The following CCDC171 variants were observed in gnomAD, a reference collection of about 807,000 sequenced individuals.
CCDC171 encodes coiled-coil domain containing 171.
In CCDC171, 177 loss-of-function variants were observed where a neutral mutation model predicts 168.2. The observed-to-expected ratio is 1.05, with a 90% CI of 0.93 to 1.19. The LOEUF (loss-of-function observed/expected upper bound fraction) is 1.19, where lower values mean the gene tolerates loss of function less well. Ranked by LOEUF, CCDC171 falls within the 50% of genes most tolerant of loss-of-function variation. The pLI is 0.00. For missense variants in CCDC171, 1,991 were observed against 1,539.0 expected (o/e 1.29, Z -4.91); for synonymous variants, 687 against 540.8 (o/e 1.27, Z -3.75).
Position 15,591,365 on chromosome 9 carries a change from GC to G in CCDC171, c.353del (p.Ala118AspfsTer41). 1 of 1,576,574 alleles carries G rather than the reference GC, an allele frequency of 6.3e-7. No homozygotes were observed. The highest frequency in any genetic ancestry group is 8.6e-7 in the Non-Finnish European group (1 of 1,156,998). ...EAHRIQEKLC[A>X]QNSELQAKTN... is the part of the protein sequence containing the mutation. ...TGTACCTATTATTCTATTCTTAATA[GC>G]ACAGAATTCAGAACTTCAAGCAAAG... On this transcript the variant is annotated frameshift_variant and splice_region_variant, in exon 5 of 26. Coordinates refer to ENST00000380701, the MANE Select transcript of CCDC171 (RefSeq NM_173550.4). LOFTEE classifies it high-confidence loss of function.
rs144872554 is a variant in CCDC171 at position 16,045,933 on chromosome 9, T to C, written n.89+3047T>C. ...ACATTCTCAGAGCCTGGAGAGAATA[T>C]AAGCTAAAGGAAAACAACATTTCTT... On this transcript the variant is annotated intron_variant and non_coding_transcript_variant, in intron 1 of 1. Transcript: ENST00000478913. Among the ~76,000 whole-genome samples, 390 of 152,280 alleles carry C rather than the reference T, an allele frequency of 2.6e-3. 1 individual carries two copies. Among genetic ancestry groups the C allele is most frequent in the Non-Finnish European group, 4.2e-3 (288 of 68,028 alleles).
intron 25 of CCDC171, among the ~76,000 whole-genome samples, chr9:15,925,414 G>A (rs994067396): frequency 1.3e-5 from 2 of 151,558 alleles, no homozygotes; most frequent in Admixed American, 6.6e-5. Context: ...TGTGGCTGGC[G>A]GAAGAAAGCA....
At chr9:16,043,257 A>G (rs957916757) in intron 1 of CCDC171, among the ~76,000 whole-genome samples, 1 of 152,150 alleles carries the variant, frequency 6.6e-6, no homozygotes. Context: ...GCCTCTGGAG[A>G]GTAAAATTTT....
At chr9:15,993,813 C>T (rs60357743) in intron 3 of CCDC171, among the ~76,000 whole-genome samples, 11,707 of 152,214 alleles carry the variant, frequency 0.077, 1,476 homozygotes, top group African/African-American at 0.27. Context: ...AGAAGACATT[C>T]ATGCAGCCAA....
At chr9:15,792,561 G>C (rs1282095000) in intron 21 of CCDC171, among the ~76,000 whole-genome samples, 4 of 152,122 alleles carry the variant, frequency 2.6e-5, no homozygotes, top group Non-Finnish European at 4.4e-5. Context: ...AAATGTTAAG[G>C]GCAGCCAGAG....
chr9:15,807,825 C>T (rs180842204), intron 21 of CCDC171, among the ~76,000 whole-genome samples: 111 of 151,074 alleles, frequency 7.3e-4, no homozygotes, highest in African/African-American at 1.8e-3. Flanking sequence ...GTCTTCTCAC[C>T]GGAGCAAGAT....
intron 3 of CCDC171, among the ~76,000 whole-genome samples, chr9:15,994,132 G>A (rs1832294202): frequency 6.6e-6 from 1 of 151,456 alleles, no homozygotes; most frequent in Non-Finnish European, 1.5e-5. Flanking sequence ...AAAGACACAT[G>A]CACATGTATG....
intron 25 of CCDC171, among the ~76,000 whole-genome samples, chr9:15,961,069 G>A (rs1477489916): frequency 6.6e-6 from 1 of 152,138 alleles, no homozygotes; most frequent in African/African-American, 2.4e-5. Flanking sequence ...AGTTTTTTGA[G>A]ATGTGTGATT....
intron 2 of CCDC171, among the ~76,000 whole-genome samples, chr9:15,569,269 GA>G (rs1279333756): frequency 6.6e-6 from 1 of 152,126 alleles, no homozygotes; most frequent in Non-Finnish European, 1.5e-5. Flanking sequence ...ATATATCATG[GA>G]GCCAGGGTTT....
chr9:15,955,508 C>A (rs1010020514), intron 25 of CCDC171, among the ~76,000 whole-genome samples: 1 of 152,066 alleles, frequency 6.6e-6, no homozygotes, highest in Admixed American at 6.6e-5. Flanking sequence ...GCAAGCTGTT[C>A]CAAGAACATT....
chr9:15,691,752 C>T (rs2050814059), intron 10 of CCDC171, among the ~76,000 whole-genome samples: 1 of 151,980 alleles, frequency 6.6e-6, no homozygotes, highest in East Asian at 1.9e-4. Context: ...ATGATGCTCA[C>T]TGCAGCTTTG....
chr9:15,611,283 T>A (rs540383047), intron 6 of CCDC171, among the ~76,000 whole-genome samples: 2 of 152,220 alleles, frequency 1.3e-5, no homozygotes, highest in Non-Finnish European at 2.9e-5. Flanking sequence ...CTTTTCTTTA[T>A]AAATTACCCA....
chr9:15,921,450 C>T (rs998883642), intron 25 of CCDC171, among the ~76,000 whole-genome samples: 2 of 151,686 alleles, frequency 1.3e-5, no homozygotes, highest in African/African-American at 4.8e-5. Flanking sequence ...GTCAAACTGA[C>T]ATATGGTGCA....
At chr9:15,654,589 T>G (rs1300080413) in intron 7 of CCDC171, among the ~76,000 whole-genome samples, 1 of 152,204 alleles carries the variant, frequency 6.6e-6, no homozygotes, top group African/African-American at 2.4e-5. Flanking sequence ...CATCTTTGTC[T>G]GTAAACAAAA....
At chr9:15,867,021 T>G (rs2061818024) in intron 23 of CCDC171, among the ~76,000 whole-genome samples, 1 of 152,060 alleles carries the variant, frequency 6.6e-6, no homozygotes, top group Non-Finnish European at 1.5e-5. Flanking sequence ...AAATAGCATC[T>G]GTATTTCACT....
rs150918522 is a variant in CCDC171, at chr9:16,049,424, G to A, written n.89+6538G>A. 2.9e-3 allele frequency among the ~76,000 whole-genome samples: 441 copies of A among 152,280 alleles called. 3 individuals are homozygous for A. The highest frequency in any genetic ancestry group is 9.6e-3 in the African/African-American group (398 of 41,564). On this transcript the variant is annotated intron_variant and non_coding_transcript_variant, in intron 1 of 1. Coordinates refer to the CCDC171 transcript ENST00000478913. ...TGTGTGAGTCTGAATGAATTAGGCAGGGAAGATCTGCCCTCAATGCTGGCA... is the reference window on the plus strand; with the variant it reads ...TGTGTGAGTCTGAATGAATTAGGCAAGGAAGATCTGCCCTCAATGCTGGCA...
intron 1 of CCDC171, among the ~76,000 whole-genome samples, chr9:16,044,363 T>C (rs1833620406): frequency 6.6e-6 from 1 of 152,214 alleles, no homozygotes; most frequent in Non-Finnish European, 1.5e-5. Context: ...TTCTTCCAAA[T>C]TGTATACGTT....
intron 18 of CCDC171, among the ~76,000 whole-genome samples, chr9:15,749,321 G>T (rs2055546307): frequency 6.6e-6 from 1 of 152,096 alleles, no homozygotes; most frequent in Non-Finnish European, 1.5e-5. Flanking sequence ...GATTCATAAA[G>T]CAAGTTCTTA....
At chr9:15,678,711 G>T in intron 9 of CCDC171, 47 bp from the exon 10 acceptor site, 1 of 1,503,648 alleles carries the variant, frequency 6.7e-7, no homozygotes. Flanking sequence ...AATATCAGTT[G>T]ATGTAAGCAT....
Sources: allele counts gnomAD v4.1 joint callset (sites outside exome capture counted in the v4.1 genomes callset), GRCh38; gene constraint gnomAD v4.1.1; transcripts MANE v1.5; gene names NCBI Gene and HGNC (gene_info 2026-07-23, HGNC 2026-07-21).